Variants in CENPP observed in about 807,000 individuals in gnomAD.
CENPP encodes the protein centromere protein P.
A neutral mutation model predicts 35.6 loss-of-function variants in CENPP; 24 were observed. The observed-to-expected ratio is 0.67, with a 90% CI of 0.49 to 0.95. CENPP has a LOEUF of 0.95. CENPP is among the 40% of genes least tolerant of loss of function. The probability of loss-of-function intolerance (pLI) is 0.00; values close to 1 mark genes in which losing one functional copy is unlikely to be tolerated. For synonymous variants in CENPP, 120 were observed against 125.5 expected, an observed-to-expected ratio of 0.96 and a Z score of 0.29; for missense variants, 332 against 345.3, an observed-to-expected ratio of 0.96 and a Z score of 0.31.
intron 4 of CENPP, among the ~76,000 whole-genome samples, chr9:92,373,201 TG>T (rs1395334651): frequency 2.0e-5 from 3 of 152,048 alleles, no homozygotes; most frequent in Non-Finnish European, 2.9e-5. Flanking sequence ...GATGGGAGGA[TG>T]GCTTGAGGCT....
At chr9:92,412,337 T>G (rs1843468220) in intron 5 of CENPP, among the ~76,000 whole-genome samples, 1 of 152,170 alleles carries the variant, frequency 6.6e-6, no homozygotes. Flanking sequence ...TTCTCCCACC[T>G]TGGTCTTCCA....
chr9:92,400,902 CT>C (rs1448191095), intron 5 of CENPP, among the ~76,000 whole-genome samples: 1 of 152,182 alleles, frequency 6.6e-6, no homozygotes, highest in Non-Finnish European at 1.5e-5. Context: ...CAAGTTCTTG[CT>C]CCACATTTCT....
At chr9:92,518,184 A>T (rs1847843500) in intron 5 of CENPP, among the ~76,000 whole-genome samples, 1 of 152,136 alleles carries the variant, frequency 6.6e-6, no homozygotes, top group Non-Finnish European at 1.5e-5. Context: ...AACAATCCCC[A>T]AATCTCAGTT....
At chr9:92,537,364 TA>T (rs1490566579) in intron 5 of CENPP, among the ~76,000 whole-genome samples, 2 of 152,080 alleles carry the variant, frequency 1.3e-5, no homozygotes, top group Non-Finnish European at 2.9e-5. Flanking sequence ...TATCTATTTT[TA>T]AAAATGTAAA....
intron 5 of CENPP, among the ~76,000 whole-genome samples, chr9:92,494,310 T>C (rs1023909845): frequency 1.3e-5 from 2 of 152,246 alleles, no homozygotes; most frequent in Admixed American, 6.5e-5. Flanking sequence ...TTTATGTCAA[T>C]GTGTTTATAT....
intron 5 of CENPP, among the ~76,000 whole-genome samples, chr9:92,430,441 A>G (rs1211196207): frequency 6.9e-6 from 1 of 144,876 alleles, no homozygotes; most frequent in Non-Finnish European, 1.5e-5. Context: ...TTTTTTTTTT[A>G]AGATGAAGTC....
At chr9:92,333,524 CT>C (rs1489723707) in intron 2 of CENPP, among the ~76,000 whole-genome samples, 3 of 152,130 alleles carry the variant, frequency 2.0e-5, no homozygotes, top group Non-Finnish European at 4.4e-5. Context: ...AGTTGAAATG[CT>C]TTTTTCCTGT....
chr9:92,371,703 T>C (rs1842007639), intron 4 of CENPP, among the ~76,000 whole-genome samples: 1 of 152,154 alleles, frequency 6.6e-6, no homozygotes, highest in African/African-American at 2.4e-5. Flanking sequence ...GGAGTGTTGA[T>C]GTCCCCCATT....
chr9:92,532,245 T>C (rs1205725722), intron 5 of CENPP, among the ~76,000 whole-genome samples: 1 of 151,850 alleles, frequency 6.6e-6, no homozygotes, highest in Admixed American at 6.6e-5. Flanking sequence ...CTTTTAAAAG[T>C]AATTTTTTTT....
intron 3 of CENPP, among the ~76,000 whole-genome samples, chr9:92,345,083 C>G (rs1588045079): frequency 6.6e-6 from 1 of 151,636 alleles, no homozygotes. Context: ...AACCCCGTCT[C>G]TACTAAAAAA....
chr9:92,525,350 G>A (rs966555207), intron 5 of CENPP, among the ~76,000 whole-genome samples: 2 of 151,440 alleles, frequency 1.3e-5, no homozygotes, highest in Non-Finnish European at 2.9e-5. Flanking sequence ...AAACCTGAAA[G>A]ACCCTGCAAG....
intron 5 of CENPP, chr9:92,502,778 C>T: frequency 1.8e-6 from 1 of 544,288 alleles, no homozygotes; most frequent in Non-Finnish European, 2.9e-6. Context: ...ACTGCTCTTT[C>T]AAGTAAGCTC....
chr9:92,547,813 A>G (rs905940952), intron 5 of CENPP, among the ~76,000 whole-genome samples: 4 of 152,226 alleles, frequency 2.6e-5, no homozygotes, highest in African/African-American at 9.6e-5. Context: ...CGTAAATTAT[A>G]TCTCGAGATA....
chr9:92,459,543 AC>A, intron 5 of CENPP: 1 of 1,277,256 alleles, frequency 7.8e-7, no homozygotes, highest in South Asian at 1.4e-5. Flanking sequence ...CTTGCTGCTT[AC>A]TTGGTCTTTG....
At chr9:92,500,706 C>T (rs1187351602) in intron 5 of CENPP, 2 of 1,590,760 alleles carry the variant, frequency 1.3e-6, no homozygotes, top group Admixed American at 1.7e-5. Flanking sequence ...TAAACAGATA[C>T]TTGAAAAAGC....
At chr9:92,346,569 C>T (rs1490922027) in intron 4 of CENPP, among the ~76,000 whole-genome samples, 1 of 152,006 alleles carries the variant, frequency 6.6e-6, no homozygotes, top group Non-Finnish European at 1.5e-5. Context: ...AGTCCCAGGA[C>T]CAAGTGAAAC....
In CENPP at chr9:92,615,518, C is replaced by T. The variant is rs1034753303; in HGVS notation, c.*2369C>T. The T allele has an allele frequency of 2.4e-5, 7 of 287,690 alleles. No individual in the cohort carries two copies. The highest frequency in any genetic ancestry group is 9.2e-5 in the South Asian group (2 of 21,756). The allele number at this position is 287,690 out of a possible 1,614,324, so 17.8% of individuals were successfully genotyped here. ...CCTTGGGTCTTAGAATAAGGCTTTT[C>T]GCATTAGAGAATCAGACATGAGCCC... On this transcript the variant is annotated 3_prime_UTR_variant, in exon 8 of 8. Transcript: ENST00000375587.
intron 5 of CENPP, among the ~76,000 whole-genome samples, chr9:92,502,192 C>A (rs906700016): frequency 1.3e-5 from 2 of 152,158 alleles, no homozygotes; most frequent in Non-Finnish European, 2.9e-5. Context: ...AGTGGGCAGA[C>A]CTCGAAGTCA....
At chr9:92,351,390 G>C (rs1841437447) in intron 4 of CENPP, among the ~76,000 whole-genome samples, 1 of 150,696 alleles carries the variant, frequency 6.6e-6, no homozygotes, top group African/African-American at 2.4e-5. Context: ...TGAGGCAGGA[G>C]AATCGCTTGA....
Sources: allele counts gnomAD v4.1 joint callset (sites outside exome capture counted in the v4.1 genomes callset), GRCh38; gene constraint gnomAD v4.1.1; transcripts MANE v1.5; gene names NCBI Gene and HGNC (gene_info 2026-07-23, HGNC 2026-07-21).